Variants in CDH13 observed in about 807,000 individuals in gnomAD.
The protein encoded by CDH13 is cadherin 13.
CDH13 carries 24 observed loss-of-function variants against 63.8 expected under a neutral mutation model. The ratio of observed to expected loss-of-function variants is 0.38; its 90% CI spans 0.27 to 0.53. The LOEUF is 0.53. Ranked by LOEUF, CDH13 falls within the 20% of genes least tolerant of loss-of-function variation. The pLI, the probability that CDH13 is intolerant of heterozygous loss-of-function variation, is 0.85. For synonymous variants in CDH13, 503 were observed against 355.3 expected (o/e 1.42, Z -4.67); for missense variants, 1,049 against 903.1 (o/e 1.16, Z -2.07).
chr16:83,191,493 A>T (rs1318136371), intron 4 of CDH13, among the ~76,000 whole-genome samples: 1 of 68,426 alleles, frequency 1.5e-5, no homozygotes, highest in Non-Finnish European at 2.8e-5. Context: ...ATATATGCAC[A>T]TATATATATA....
chr16:83,098,508 C>G (rs1267909619), intron 3 of CDH13, among the ~76,000 whole-genome samples: 3 of 152,158 alleles, frequency 2.0e-5, no homozygotes, highest in Non-Finnish European at 4.4e-5. Context: ...GGATGAAGGA[C>G]TATTGAACAT....
intron 3 of CDH13, 133 bp from the exon 4 acceptor site, chr16:83,125,252 A>G (rs562851910): frequency 1.6e-6 from 1 of 611,366 alleles, no homozygotes; most frequent in South Asian, 2.0e-5. Context: ...TAATGCTAAT[A>G]GGGTTTGATG....
chr16:83,368,124 C>T (rs1169669224), intron 6 of CDH13, among the ~76,000 whole-genome samples: 2 of 152,024 alleles, frequency 1.3e-5, no homozygotes, highest in Admixed American at 1.3e-4. Context: ...GATCTTGTGT[C>T]CTTTAAACTT....
chr16:83,515,809 A>G (rs1374657422), intron 7 of CDH13, among the ~76,000 whole-genome samples: 1 of 152,230 alleles, frequency 6.6e-6, no homozygotes, highest in Non-Finnish European at 1.5e-5. Flanking sequence ...AAATAAAATT[A>G]ATAAGTTGTT....
intron 1 of CDH13, among the ~76,000 whole-genome samples, chr16:82,705,978 C>A (rs1255235547): frequency 2.6e-5 from 4 of 152,012 alleles, no homozygotes; most frequent in African/African-American, 9.7e-5. Context: ...TAAGTTTATA[C>A]CCAGGTTATC....
intron 2 of CDH13, among the ~76,000 whole-genome samples, chr16:82,863,871 A>T (rs920315750): frequency 2.1e-5 from 3 of 142,200 alleles, no homozygotes; most frequent in African/African-American, 8.0e-5. Context: ...TTTAAATCCT[A>T]GATTGATGAG....
chr16:82,673,195 G>A (rs998882019), intron 1 of CDH13, among the ~76,000 whole-genome samples: 1 of 151,664 alleles, frequency 6.6e-6, no homozygotes, highest in Non-Finnish European at 1.5e-5. Context: ...CGAAGCCCCG[G>A]GTAGGAATTT....
At chr16:83,731,131 G>A (rs914390062) in intron 10 of CDH13, among the ~76,000 whole-genome samples, 6 of 152,212 alleles carry the variant, frequency 3.9e-5, no homozygotes, top group African/African-American at 1.2e-4. Context: ...ACATACAAGT[G>A]CATGTGTCTT....
At chr16:83,379,747 T>G (rs28651151) in intron 6 of CDH13, among the ~76,000 whole-genome samples, 40,163 of 151,784 alleles carry the variant, frequency 0.26, 5,645 homozygotes, top group Middle Eastern at 0.3. Context: ...CACTACGTTG[T>G]AAATTGCATA....
chr16:82,746,879 A>C (rs564819284), intron 1 of CDH13, among the ~76,000 whole-genome samples: 67 of 152,312 alleles, frequency 4.4e-4, no homozygotes, highest in African/African-American at 1.6e-3. Context: ...ACTCCCTGGA[A>C]TATTAAAACA....
intron 8 of CDH13, among the ~76,000 whole-genome samples, chr16:83,634,797 C>T (rs575196301): frequency 3.3e-5 from 5 of 152,282 alleles, no homozygotes; most frequent in South Asian, 4.1e-4. Flanking sequence ...GAGTGATATT[C>T]CATGGTATGG....
At chr16:83,368,295 A>C (rs1329015059) in intron 6 of CDH13, among the ~76,000 whole-genome samples, 1 of 152,230 alleles carries the variant, frequency 6.6e-6, no homozygotes, top group African/African-American at 2.4e-5. Flanking sequence ...AATATTAAAC[A>C]GATACATACT....
At position 83,337,947 on chromosome 16, in the gene CDH13, G is replaced by C. The variant is rs193150288; in HGVS notation, c.637-6915G>C. Among the ~76,000 whole-genome samples, 10 of 152,040 alleles carry C rather than the reference G, an allele frequency of 6.6e-5. No homozygotes were observed. In the East Asian group the frequency reaches 1.9e-3, roughly 29 times the overall value. On this transcript the variant is annotated intron_variant, in intron 5 of 13. Coordinates refer to ENST00000567109, the MANE Select transcript of CDH13 (RefSeq NM_001257.5). The stretch of plus-strand genomic sequence containing the variant: ...GATAATGAAACAAAAAAAATGTAAG[G>C]GAGTCCATGCAAAAACATTCAGCAA...
chr16:82,755,783 T>C (rs1390514993), intron 1 of CDH13, among the ~76,000 whole-genome samples: 1 of 152,236 alleles, frequency 6.6e-6, no homozygotes, highest in African/African-American at 2.4e-5. Flanking sequence ...AGGTGGTATG[T>C]CCATTCTTTG....
Position 83,188,375 on chromosome 16 carries a change from G to A in CDH13, c.484-28970G>A, listed in dbSNP as rs188857680. On this transcript the variant is annotated intron_variant, in intron 4 of 13. Transcript: ENST00000567109. ...TATAATTTGAAAAGATTTGTCGGGG[G>A]AAGTGAGGATTTTAGCTCTGTTTTA... Among the ~76,000 whole-genome samples, 13 of 152,266 alleles carry A rather than the reference G, an allele frequency of 8.5e-5. No individual in the cohort carries two copies. The East Asian group carries it at 1.9e-3, about 23-fold the overall frequency.
chr16:83,324,518 G>A (rs2090315980), intron 5 of CDH13, among the ~76,000 whole-genome samples: 1 of 152,168 alleles, frequency 6.6e-6, no homozygotes, highest in African/African-American at 2.4e-5. Context: ...CCTTCCATGA[G>A]TAGCTTCGTT....
At chr16:83,461,580 C>T (rs981265332) in intron 6 of CDH13, among the ~76,000 whole-genome samples, 11 of 152,180 alleles carry the variant, frequency 7.2e-5, no homozygotes, top group African/African-American at 2.7e-4. Flanking sequence ...TTGACAAGTT[C>T]AAAAGGAGCC....
At chr16:82,848,818 T>G (rs958384520) in intron 1 of CDH13, among the ~76,000 whole-genome samples, 1 of 152,198 alleles carries the variant, frequency 6.6e-6, no homozygotes, top group African/African-American at 2.4e-5. Context: ...GTCTCTCTCT[T>G]TAAATCAAAC....
chr16:83,277,227 G>C (rs1281475010), intron 5 of CDH13, among the ~76,000 whole-genome samples: 2 of 152,152 alleles, frequency 1.3e-5, no homozygotes, highest in Non-Finnish European at 2.9e-5. Flanking sequence ...CTCACTCATG[G>C]TTATGACCTT....
Sources: gnomAD v4.1 joint callset for allele counts (sites outside exome capture counted in the v4.1 genomes callset) on GRCh38, gnomAD v4.1.1 for gene constraint, MANE v1.5 for transcripts, NCBI Gene and HGNC (gene_info 2026-07-23, HGNC 2026-07-21) for gene names.